Variants in LAMC1 observed in about 807,000 individuals in gnomAD.
LAMC1 encodes laminin subunit gamma-1.
In LAMC1, 38 loss-of-function variants were observed where a neutral mutation model predicts 173.6. The observed-to-expected ratio is 0.22, with a 90% CI of 0.17 to 0.29. LAMC1 has a LOEUF of 0.29. Among genes scored for constraint, LAMC1 ranks in the 10% least tolerant of loss-of-function variants. The pLI, the probability that LAMC1 is intolerant of heterozygous loss-of-function variation, is 1.00. For synonymous variants in LAMC1, 746 were observed against 749.1 expected, an observed-to-expected ratio of 1.00 and a Z score of 0.07; for missense variants, 1,824 against 2,051.8, an observed-to-expected ratio of 0.89 and a Z score of 2.14.
chr1:183,103,700 T>C, intron 2 of LAMC1, 68 bp downstream of exon 2: 1 of 1,394,242 alleles, frequency 7.2e-7, no homozygotes, highest in Non-Finnish European at 9.7e-7. Flanking sequence ...AAGATTATTG[T>C]AGTGGGGCTT....
Position 183,023,808 on chromosome 1 carries a change from G to A in LAMC1, c.92G>A (p.Gly31Asp). Residue 31 changes from glycine (G) to aspartate (D), a missense_variant, in exon 1 of 28, where the codon GGC becomes GAC. Physicochemically the swap from Gly to Asp is moderately conservative, Grantham distance 94. Transcript: ENST00000258341. ...GTGCTGGCGGCGGCCGCCGCGGCGGGCTGTGCCCAGGCAGCCATGGACGAG... is the reference window on the plus strand; with the variant it reads ...GTGCTGGCGGCGGCCGCCGCGGCGGACTGTGCCCAGGCAGCCATGGACGAG... ...LAVLAAAAAAGCAQAAMDECT... is the reference protein window; with the variant it reads ...LAVLAAAAAADCAQAAMDECT... The A allele has an allele frequency of 6.5e-7, 1 of 1,544,796 alleles. No homozygotes were observed. Among genetic ancestry groups the A allele is most frequent in the East Asian group, 2.3e-5 (1 of 43,076 alleles).
Position 183,031,370 on chromosome 1 carries a change from T to G in LAMC1, c.418+7236T>G, listed in dbSNP as rs758481432. On this transcript the variant is annotated intron_variant, in intron 1 of 27. Coordinates refer to ENST00000258341, the MANE Select transcript of LAMC1 (RefSeq NM_002293.4). ...CCCAGGCTGGAGTGCAGTGGCACGA[T>G]CTTGGCTCACTGCAACCTCTGCCTC... is the stretch of plus-strand genomic sequence containing the variant. Among the ~76,000 whole-genome samples the G allele has an allele frequency of 6.4e-4, 98 of 152,292 alleles. 1 individual carries two copies. The Middle Eastern group carries it at 0.024, about 37-fold the overall frequency.
intron 1 of LAMC1, among the ~76,000 whole-genome samples, chr1:183,060,256 G>GCATTTT (rs1654708411): frequency 1.3e-5 from 2 of 151,926 alleles, no homozygotes; most frequent in African/African-American, 4.8e-5. Context: ...AACATGACAT[G>GCATTTT]CATTTTCATT....
At chr1:183,087,901 C>T (rs1021848356) in intron 1 of LAMC1, among the ~76,000 whole-genome samples, 1 of 151,750 alleles carries the variant, frequency 6.6e-6, no homozygotes, top group Non-Finnish European at 1.5e-5. Context: ...ACAACCTCCA[C>T]CTCCCAGGTT....
intron 1 of LAMC1, among the ~76,000 whole-genome samples, chr1:183,034,591 G>A (rs1409528462): frequency 2.0e-5 from 3 of 152,176 alleles, no homozygotes; most frequent in African/African-American, 7.2e-5. Flanking sequence ...TTTTTAAATT[G>A]TTAGGAGAAT....
At chr1:183,135,757 C>T (rs980520145) in intron 24 of LAMC1, among the ~76,000 whole-genome samples, 3 of 151,776 alleles carry the variant, frequency 2.0e-5, no homozygotes, top group African/African-American at 7.3e-5. Flanking sequence ...GGCATGCTGG[C>T]ACATACCTGT....
At chr1:183,139,946 G>A (rs1406126012) in intron 26 of LAMC1, among the ~76,000 whole-genome samples, 1 of 152,124 alleles carries the variant, frequency 6.6e-6, no homozygotes, top group Non-Finnish European at 1.5e-5. Context: ...ACTTAACTAT[G>A]AAAATTTTCA....
At chr1:183,076,662 A>C (rs947069521) in intron 1 of LAMC1, among the ~76,000 whole-genome samples, 3 of 152,084 alleles carry the variant, frequency 2.0e-5, no homozygotes, top group African/African-American at 7.2e-5. Context: ...CCCAGACCAT[A>C]TTTCATCAAA....
intron 1 of LAMC1, among the ~76,000 whole-genome samples, chr1:183,073,422 A>G (rs945056687): frequency 3.3e-5 from 5 of 152,216 alleles, no homozygotes; most frequent in African/African-American, 1.2e-4. Context: ...ACAGAGTCAG[A>G]GTTCAGGGCC....
At chr1:183,103,731 C>T (rs899016291) in intron 2 of LAMC1, 99 bp downstream of exon 2, 13 of 1,045,266 alleles carry the variant, frequency 1.2e-5, no homozygotes, top group Admixed American at 2.6e-5. Flanking sequence ...TTCTGAGGTA[C>T]GGGGTCAGAG....
chr1:183,045,938 CTCA>C (rs1394838731), intron 1 of LAMC1, among the ~76,000 whole-genome samples: 3 of 152,058 alleles, frequency 2.0e-5, no homozygotes, highest in Admixed American at 6.5e-5. Context: ...CGCAAAATGT[CTCA>C]TCATGTTTTC....
chr1:183,093,819 G>A (rs1655626670), intron 1 of LAMC1, among the ~76,000 whole-genome samples: 2 of 152,134 alleles, frequency 1.3e-5, no homozygotes, highest in South Asian at 4.1e-4. Flanking sequence ...CAGTTCATCA[G>A]TAAAAGTGGT....
intron 1 of LAMC1, among the ~76,000 whole-genome samples, chr1:183,044,796 T>C (rs1289472595): frequency 6.6e-6 from 1 of 152,130 alleles, no homozygotes; most frequent in Non-Finnish European, 1.5e-5. Context: ...AGCGTTGTCT[T>C]CCTTTCCAGG....
chr1:183,113,380 C>CA (rs1656218190), intron 4 of LAMC1, among the ~76,000 whole-genome samples: 2 of 139,172 alleles, frequency 1.4e-5, no homozygotes, highest in African/African-American at 5.1e-5. Flanking sequence ...AAATATATTC[C>CA]AAAAAAGATG....
intron 1 of LAMC1, among the ~76,000 whole-genome samples, chr1:183,085,015 G>A (rs576166064): frequency 8.7e-4 from 133 of 152,164 alleles, no homozygotes; most frequent in Middle Eastern, 3.4e-3. Flanking sequence ...TCAGAAGTTC[G>A]AGACCAGCCT....
intron 1 of LAMC1, among the ~76,000 whole-genome samples, chr1:183,050,891 C>CAA (rs779377179): frequency 0.17 from 9,096 of 54,524 alleles, 569 homozygotes; most frequent in Admixed American, 0.25. Flanking sequence ...AACTCCATCT[C>CAA]AAAAAAAAAA....
intron 18 of LAMC1, 71 bp downstream of exon 18, chr1:183,128,821 G>GTTA (rs34133998): frequency 0.55 from 640,186 of 1,153,960 alleles, 182,400 homozygotes; most frequent in Admixed American, 0.65. Flanking sequence ...CTAAAGCAAG[G>GTTA]TTAGTATAGT....
chr1:183,130,852 A>G (rs1412107173), intron 19 of LAMC1, among the ~76,000 whole-genome samples: 1 of 152,182 alleles, frequency 6.6e-6, no homozygotes, highest in African/African-American at 2.4e-5. Context: ...GGGTGCTGAT[A>G]TTAAATAAAG....
At chr1:183,140,959 G>T (rs1657096339) in intron 27 of LAMC1, 1 of 152,256 alleles carries the variant, frequency 6.6e-6, no homozygotes, top group Admixed American at 6.5e-5. Context: ...AACTCATCTT[G>T]CTGGCAGTAT....
Sources: gnomAD v4.1 joint callset for allele counts (sites outside exome capture counted in the v4.1 genomes callset) on GRCh38, gnomAD v4.1.1 for gene constraint, MANE v1.5 for transcripts, NCBI Gene and HGNC (gene_info 2026-07-23, HGNC 2026-07-21) for gene names.